PAK3: variants seen among roughly 807,000 people sequenced by gnomAD.
PAK3 encodes the protein serine/threonine-protein kinase PAK 3.
Under a neutral mutation model 41.0 loss-of-function variants are expected in PAK3, and 4 were observed. The observed-to-expected ratio is 0.10, with a 90% confidence interval of 0.05 to 0.22. The LOEUF is 0.22. Ranked by LOEUF, PAK3 falls within the 10% of genes least tolerant of loss-of-function variation. The pLI is 1.00. For missense variants in PAK3, 205 were observed against 409.9 expected (o/e 0.50, Z 4.32); for synonymous variants, 146 against 139.6 (o/e 1.05, Z -0.32).
intron 10 of PAK3, among the ~76,000 whole-genome samples, chrX:111,172,304 A>G (rs7059456): frequency 0.22 from 24,258 of 111,213 alleles, 5,783 homozygotes; most frequent in African/African-American, 0.71. Context: ...GTTTTATTGT[A>G]TATTTTCCAG....
intron 3 of PAK3, among the ~76,000 whole-genome samples, chrX:111,100,453 T>A (rs1458260535): frequency 1.8e-5 from 2 of 111,407 alleles, no homozygotes; most frequent in Admixed American, 1.9e-4. Flanking sequence ...TGTGCAGCGG[T>A]TACTCCTTGT....
chrX:110,949,699 G>A (rs2090701433), intron 1 of PAK3, among the ~76,000 whole-genome samples: 1 of 111,306 alleles, frequency 9.0e-6, no homozygotes, highest in Admixed American at 9.6e-5. Context: ...ACAGGGGACA[G>A]GGAGTAGAGT....
intron 12 of PAK3, 148 bp from the exon 13 acceptor site, chrX:111,192,358 A>T (rs1226156503): frequency 7.7e-6 from 4 of 518,996 alleles, no homozygotes; most frequent in Non-Finnish European, 1.3e-5. Flanking sequence ...AAAAATAAAA[A>T]AAAAAGTGGG....
At chrX:111,034,890 CAGG>C in intron 1 of PAK3, among the ~76,000 whole-genome samples, 1 of 109,438 alleles carries the variant, frequency 9.1e-6, no homozygotes, top group Middle Eastern at 4.7e-3. Flanking sequence ...GGCTTGAGCT[CAGG>C]AGTTCAAGAC....
rs749913644 is a variant in PAK3 at position 111,138,443 on chromosome X, A to C, written c.176-3653A>C. On this transcript the variant is annotated intron_variant, in intron 5 of 17. Coordinates refer to ENST00000372007, the MANE Select transcript of PAK3 (RefSeq NM_002578.5). ...TACCAATCCTATGCTGATGGTACCAAGCTCAAAGTAGACACTGAGTAGTTC... is the reference window on the plus strand; with the variant it reads ...TACCAATCCTATGCTGATGGTACCACGCTCAAAGTAGACACTGAGTAGTTC... Among the ~76,000 whole-genome samples, 4 of 111,604 alleles carry C rather than the reference A, an allele frequency of 3.6e-5. No individual in the cohort carries two copies. The South Asian group carries it at 1.5e-3, about 42-fold the overall frequency.
chrX:111,166,801 C>A (rs2094260919), intron 10 of PAK3, among the ~76,000 whole-genome samples: 1 of 111,890 alleles, frequency 8.9e-6, no homozygotes, highest in Admixed American at 9.5e-5. Context: ...ACCTCAGCAG[C>A]AGTATCAGGC....
intron 4 of PAK3, among the ~76,000 whole-genome samples, chrX:111,110,957 G>A (rs768064433): frequency 2.7e-5 from 3 of 111,659 alleles, no homozygotes; most frequent in Admixed American, 9.5e-5. Context: ...CAGTTCTCCC[G>A]CCTCTTTGAC....
chrX:111,043,648 T>A (rs1336580938), intron 1 of PAK3, among the ~76,000 whole-genome samples: 1 of 112,453 alleles, frequency 8.9e-6, no homozygotes, highest in Non-Finnish European at 1.9e-5. Flanking sequence ...TTTGCTTTAG[T>A]GAGAATCCTG....
intron 1 of PAK3, among the ~76,000 whole-genome samples, chrX:110,966,938 A>T (rs1017217031): frequency 8.9e-6 from 1 of 112,416 alleles, no homozygotes; most frequent in Non-Finnish European, 1.9e-5. Context: ...CCTGCCCCCA[A>T]GAATGCCCTG....
chrX:111,035,105 CAAAAAAAAAAAAA>C (rs533876214), intron 1 of PAK3, among the ~76,000 whole-genome samples: 2 of 39,555 alleles, frequency 5.1e-5, no homozygotes, highest in Admixed American at 4.7e-4. Flanking sequence ...GACCCTGTCT[CAAAAAAAAAAAAA>C]AAAAAAAAAA....
intron 17 of PAK3, among the ~76,000 whole-genome samples, chrX:111,219,003 A>G (rs769309807): frequency 6.1e-4 from 67 of 109,224 alleles, no homozygotes; most frequent in African/African-American, 2.2e-3. Flanking sequence ...CAGCCTGGCC[A>G]ACATGGTGAA....
chrX:111,223,716 A>G lies in PAK3; in HGVS notation c.*3269A>G, dbSNP rs928104358. 7.2e-5 allele frequency: 8 copies of G among 111,363 alleles called. No individual in the cohort carries two copies. Among genetic ancestry groups the G allele is most frequent in the African/African-American group, 2.6e-4 (8 of 30,557 alleles). The allele number at this position is 111,363 out of a possible 1,213,427, so 9.2% of individuals were successfully genotyped here. ...TTTTGATAGTTTGAGATATTTGTCT[A>G]TAAATGATATTTCTCAGCTCAAAGA... On this transcript the variant is annotated 3_prime_UTR_variant, in exon 18 of 18. Transcript: ENST00000372007.
chrX:111,129,631 T>C (rs1478207541), intron 5 of PAK3, among the ~76,000 whole-genome samples: 4 of 111,512 alleles, frequency 3.6e-5, no homozygotes, highest in Non-Finnish European at 7.5e-5. Context: ...ATGGGGAAAC[T>C]GGGCACAAAT....
At chrX:110,991,825 C>T (rs1247777018) in intron 1 of PAK3, among the ~76,000 whole-genome samples, 1 of 110,874 alleles carries the variant, frequency 9.0e-6, no homozygotes, top group Admixed American at 9.6e-5. Flanking sequence ...TCGTTAAACA[C>T]TTAATAAGTA....
intron 11 of PAK3, among the ~76,000 whole-genome samples, chrX:111,185,818 C>A (rs143782417): frequency 0.081 from 8,930 of 110,256 alleles, 850 homozygotes; most frequent in African/African-American, 0.27. Flanking sequence ...CAGGTTTGTT[C>A]TTTTTGCTTA....
intron 16 of PAK3, among the ~76,000 whole-genome samples, chrX:111,207,411 TAC>T (rs2094765842): frequency 9.0e-6 from 1 of 111,374 alleles, no homozygotes; most frequent in African/African-American, 3.3e-5. Flanking sequence ...GTATGACAAC[TAC>T]AGTCATGTGC....
chrX:111,123,736 T>C (rs1214754740), intron 5 of PAK3, among the ~76,000 whole-genome samples: 1 of 112,035 alleles, frequency 8.9e-6, no homozygotes, highest in Non-Finnish European at 1.9e-5. Flanking sequence ...ATATTGTCTC[T>C]CTGACTATAT....
chrX:110,949,693 G>A (rs1569495243), intron 1 of PAK3, among the ~76,000 whole-genome samples: 1 of 111,197 alleles, frequency 9.0e-6, no homozygotes, highest in Non-Finnish European at 1.9e-5. Flanking sequence ...AAATAGACAG[G>A]GGACAGGGAG....
upstream of PAK3, among the ~76,000 whole-genome samples, chrX:111,092,906 T>C (rs2092940901): frequency 8.9e-6 from 1 of 111,958 alleles, no homozygotes; most frequent in Non-Finnish European, 1.9e-5. Flanking sequence ...GGCACATGCA[T>C]TTTAACATTT....
Sources: allele counts gnomAD v4.1 joint callset (sites outside exome capture counted in the v4.1 genomes callset), GRCh38; gene constraint gnomAD v4.1.1; transcripts MANE v1.5; gene names NCBI Gene and HGNC (gene_info 2026-07-23, HGNC 2026-07-21).